Variants in DENND1A observed in about 807,000 individuals in gnomAD.
DENND1A encodes the protein DENN domain-containing protein 1A.
In DENND1A, 51 loss-of-function variants were observed where a neutral mutation model predicts 113.7. The observed-to-expected ratio is 0.45, with a 90% CI of 0.36 to 0.57. The LOEUF is 0.57. Ranked by LOEUF, DENND1A falls within the 20% of genes least tolerant of loss-of-function variation. The pLI is 0.00. For missense variants in DENND1A, 1,258 were observed against 1,395.9 expected (o/e 0.90, Z 1.57); for synonymous variants, 565 against 570.8 (o/e 0.99, Z 0.14).
Position 123,461,264 on chromosome 9 carries a change from A to G in DENND1A, c.994-3367T>C, listed in dbSNP as rs13302210. 5.7e-3 allele frequency among the ~76,000 whole-genome samples: 862 copies of G among 152,268 alleles called. 7 individuals carry two copies. Among genetic ancestry groups the G allele is most frequent in the Non-Finnish European group, 9.4e-3 (638 of 68,016 alleles). Reference sequence around the variant, plus strand: ...ACTCCTGGGTGCTGGGATAGTCTTCACTGGTATCCCCTCTCACCAGGAGCT... The same window carrying G: ...ACTCCTGGGTGCTGGGATAGTCTTCGCTGGTATCCCCTCTCACCAGGAGCT... On this transcript the variant is annotated intron_variant, in intron 13 of 23. Transcript: ENST00000394215.
intron 13 of DENND1A, among the ~76,000 whole-genome samples, chr9:123,536,731 G>C (rs1200389045): frequency 6.6e-6 from 1 of 152,110 alleles, no homozygotes; most frequent in East Asian, 1.9e-4. Context: ...GCTGGGAATG[G>C]AACCAAGATT....
chr9:123,728,629 T>C (rs1431147044), intron 5 of DENND1A, among the ~76,000 whole-genome samples: 1 of 151,868 alleles, frequency 6.6e-6, no homozygotes, highest in Non-Finnish European at 1.5e-5. Context: ...AAAATTTATG[T>C]GGAAAAGCAA....
At chr9:123,744,210 G>A (rs138241524) in intron 5 of DENND1A, among the ~76,000 whole-genome samples, 6 of 152,238 alleles carry the variant, frequency 3.9e-5, no homozygotes, top group East Asian at 3.9e-4. Flanking sequence ...TTTGGGATCC[G>A]ATCCCCCACG....
Position 123,818,519 on chromosome 9 carries a change from TACACACACACACACAC to T in DENND1A, c.89-25905_89-25890del, listed in dbSNP as rs1215014185. Among the ~76,000 whole-genome samples the T allele has an allele frequency of 2.6e-3, 289 of 112,294 alleles. 1 individual carries two copies. The highest frequency in any genetic ancestry group is 9.2e-3 in the African/African-American group (231 of 25,110). The allele number at this position is 112,294 out of a possible 152,430, so 73.7% of individuals were successfully genotyped here. A position where few individuals can be genotyped will look rare whatever the true frequency, so the allele number is the denominator to read the frequency against. On this transcript the variant is annotated intron_variant, in intron 2 of 23. Coordinates refer to ENST00000394215, the MANE Select transcript of DENND1A (RefSeq NM_001352964.2). ...ATATTGGCATATATATACATACATA[TACACACACACACACAC>T]ACACACACACACACACACACACACA... is the stretch of plus-strand genomic sequence containing the variant.
intron 3 of DENND1A, among the ~76,000 whole-genome samples, chr9:123,789,548 C>A (rs948578092): frequency 6.6e-6 from 1 of 152,050 alleles, no homozygotes; most frequent in Non-Finnish European, 1.5e-5. Context: ...TTTTACTGCC[C>A]ATTTGTCTTT....
intron 1 of DENND1A, among the ~76,000 whole-genome samples, chr9:123,921,911 CCTT>C (rs1564512435): frequency 7.1e-6 from 1 of 139,958 alleles, no homozygotes; most frequent in Non-Finnish European, 1.5e-5. Context: ...TCAAAGCCAT[CCTT>C]TTTTTTTTTT....
In DENND1A at chr9:123,382,024, G is replaced by T. The variant is rs1438212789; in HGVS notation, c.2621C>A (p.Pro874His). The change falls in exon 24 of 24, where the codon CCC becomes CAC. Residue 874 changes from proline (P) to histidine (H), a missense_variant. Transcript: ENST00000394215. ...ATPNVATPFT[P>H]QFSFPPAGTP... ...CCCTGCAGGGGGGAAGCTGAATTGGGGGGTGAATGGGGTGGCTACATTCGG... is the reference window on the plus strand; with the variant it reads ...CCCTGCAGGGGGGAAGCTGAATTGGTGGGTGAATGGGGTGGCTACATTCGG... 4.0e-6 allele frequency: 6 copies of T among 1,488,332 alleles called. No individual in the cohort carries two copies. The South Asian group carries it at 7.0e-5, about 17-fold the overall frequency. 92.2% of individuals were successfully genotyped at this position (1,488,332 alleles called of 1,614,324 possible). A position where few individuals can be genotyped will look rare whatever the true frequency, so the allele number is the denominator to read the frequency against.
intron 7 of DENND1A, among the ~76,000 whole-genome samples, chr9:123,668,600 G>GT (rs1358925658): frequency 6.6e-6 from 1 of 152,198 alleles, no homozygotes; most frequent in Non-Finnish European, 1.5e-5. Context: ...CTAAATCTGT[G>GT]TAACTAGAGC....
intron 10 of DENND1A, among the ~76,000 whole-genome samples, chr9:123,620,119 C>A (rs2060867719): frequency 7.2e-5 from 10 of 139,684 alleles, no homozygotes. Context: ...GAGGCTGAGG[C>A]AGAAGAATTG....
chr9:123,893,217 T>C (rs924892694), intron 1 of DENND1A, among the ~76,000 whole-genome samples: 1 of 151,946 alleles, frequency 6.6e-6, no homozygotes, highest in Non-Finnish European at 1.5e-5. Flanking sequence ...AACGAACAGA[T>C]CAGTTAAAGT....
chr9:123,484,620 C>A (rs1391310687), intron 13 of DENND1A, among the ~76,000 whole-genome samples: 1 of 152,188 alleles, frequency 6.6e-6, no homozygotes, highest in Non-Finnish European at 1.5e-5. Flanking sequence ...TTGCTCCGCA[C>A]CCCATAGTGC....
At chr9:123,894,272 C>T (rs1850370456) in intron 1 of DENND1A, among the ~76,000 whole-genome samples, 1 of 152,190 alleles carries the variant, frequency 6.6e-6, no homozygotes, top group Non-Finnish European at 1.5e-5. Context: ...AAACAACGTT[C>T]AGAACTGTGA....
chr9:123,516,884 C>CAAAAAAAAAAAAAAAAAAAAAAAA (rs546001517), intron 13 of DENND1A, among the ~76,000 whole-genome samples: 15 of 93,392 alleles, frequency 1.6e-4, no homozygotes, highest in South Asian at 3.6e-4. Flanking sequence ...GACTCTGTCT[C>CAAAAAAAAAAAAAAAAAAAAAAAA]AAAAAAAAAA....
In DENND1A at chr9:123,764,691, G is replaced by A. The variant is rs926619093; in HGVS notation, c.182+4823C>T. Among the ~76,000 whole-genome samples, 7 of 152,192 alleles carry A rather than the reference G, an allele frequency of 4.6e-5. No individual in the cohort carries two copies. The highest frequency in any genetic ancestry group is 1.7e-4 in the African/African-American group (7 of 41,436). Reference sequence around the variant, plus strand: ...TACATGAGCCTGACAAAGTCAACATGAAGCATAACTGCAGAATTTAAAAGT... The same window carrying A: ...TACATGAGCCTGACAAAGTCAACATAAAGCATAACTGCAGAATTTAAAAGT... On this transcript the variant is annotated intron_variant, in intron 4 of 23. Transcript: ENST00000394215. This position sits in a 1 kb window ranked among gnomAD's most constrained non-coding sequence, Gnocchi z 4.1.
In DENND1A at chr9:123,855,106, A is replaced by G. The variant is rs114626540; in HGVS notation, c.88+23845T>C. On this transcript the variant is annotated intron_variant, in intron 2 of 23. Coordinates refer to ENST00000394215, the MANE Select transcript of DENND1A (RefSeq NM_001352964.2). Reference sequence around the variant, plus strand: ...AAAAGCCTCACAAACAACTGATACTAACATTGCCTTGCTTATTTGGACATA... The same window carrying G: ...AAAAGCCTCACAAACAACTGATACTGACATTGCCTTGCTTATTTGGACATA... Among the ~76,000 whole-genome samples the G allele has an allele frequency of 1.9e-3, 291 of 151,454 alleles. 15 individuals carry two copies. Among genetic ancestry groups the G allele is most frequent in the African/African-American group, 6.8e-3 (279 of 40,736 alleles).
At chr9:123,670,613 T>C (rs146717869) in intron 7 of DENND1A, among the ~76,000 whole-genome samples, 2,962 of 152,302 alleles carry the variant, frequency 0.019, 69 homozygotes, top group Non-Finnish European at 0.025. Flanking sequence ...TATATATTTA[T>C]AGGCATTCAA....
chr9:123,847,002 G>GT (rs1188422337), intron 2 of DENND1A, among the ~76,000 whole-genome samples: 2 of 152,006 alleles, frequency 1.3e-5, no homozygotes, highest in Non-Finnish European at 2.9e-5. Flanking sequence ...AAATCAATGG[G>GT]TTTTTTGTTT....
Position 123,630,446 on chromosome 9 carries a change from T to C in DENND1A, c.649A>G (p.Met217Val), listed in dbSNP as rs1312724204. ...TGCTGCCAGTACATGGGGTAGAGCATCGCCGCAGACCCGTGGATGCAGGCA... is the reference window on the plus strand; with the variant it reads ...TGCTGCCAGTACATGGGGTAGAGCACCGCCGCAGACCCGTGGATGCAGGCA... ...LTACIHGSAAMLYPMYWQHVY... is the reference protein window; with the variant it reads ...LTACIHGSAAVLYPMYWQHVY... The change falls in exon 10 of 24, where the codon ATG becomes GTG. Residue 217 changes from methionine (M) to valine (V), a missense_variant. Around this residue, in one of 2 missense-constraint regions of DENND1A, gnomAD observed 1,159 missense variants for 1,231.7 expected, o/e 0.94. Coordinates refer to ENST00000394215, the MANE Select transcript of DENND1A (RefSeq NM_001352964.2). 1 of 1,600,686 alleles carries C rather than the reference T, an allele frequency of 6.2e-7. No individual in the cohort carries two copies.
At chr9:123,590,116 G>C (rs1287949296) in intron 11 of DENND1A, among the ~76,000 whole-genome samples, 1 of 152,168 alleles carries the variant, frequency 6.6e-6, no homozygotes, top group Non-Finnish European at 1.5e-5. Context: ...CCCTCTCCTT[G>C]GATGGTTCCT....
Sources: gnomAD v4.1 joint callset for allele counts (sites outside exome capture counted in the v4.1 genomes callset) on GRCh38, gnomAD v4.1.1 for gene constraint, gnomAD v4.1.1 regional missense constraint, Gnocchi (gnomAD v3.1) non-coding constraint, MANE v1.5 for transcripts, NCBI Gene and HGNC (gene_info 2026-07-23, HGNC 2026-07-21) for gene names.